Variants in TIPRL observed in about 807,000 individuals in gnomAD.
TIPRL encodes TIP41-like protein.
TIPRL carries 10 observed loss-of-function variants against 32.3 expected under a neutral mutation model. The ratio of observed to expected loss-of-function variants is 0.31; its 90% CI spans 0.19 to 0.52. The LOEUF is 0.52. Ranked by LOEUF, TIPRL falls within the 20% of genes least tolerant of loss-of-function variation. TIPRL has a pLI of 0.96. For missense variants in TIPRL, 250 were observed against 328.1 expected, an observed-to-expected ratio of 0.76 and a Z score of 1.84; for synonymous variants, 100 against 114.0, an observed-to-expected ratio of 0.88 and a Z score of 0.78.
intron 3 of TIPRL, among the ~76,000 whole-genome samples, chr1:168,185,917 A>T (rs1416480181): frequency 3.3e-5 from 5 of 150,612 alleles, no homozygotes; most frequent in Non-Finnish European, 5.9e-5. Flanking sequence ...TCTACTAAAA[A>T]TACAAAATTT....
intron 4 of TIPRL, among the ~76,000 whole-genome samples, chr1:168,194,885 A>G (rs1700135866): frequency 6.6e-6 from 1 of 152,218 alleles, no homozygotes; most frequent in Non-Finnish European, 1.5e-5. Context: ...GCCTACAGTC[A>G]AGTGGAAACA....
At chr1:168,192,322 C>G in intron 4 of TIPRL, 1 of 1,012,144 alleles carries the variant, frequency 9.9e-7, no homozygotes, top group Non-Finnish European at 1.2e-6. Flanking sequence ...CTCCAGCCCT[C>G]CAGCCTGGGC....
intron 1 of TIPRL, among the ~76,000 whole-genome samples, chr1:168,183,226 T>C (rs897784408): frequency 9.9e-5 from 15 of 152,172 alleles, no homozygotes; most frequent in African/African-American, 3.6e-4. Context: ...AATGAAACAT[T>C]CAGAGTATTT....
At position 168,183,856 on chromosome 1, in the gene TIPRL, C is replaced by G. The variant is rs752343002; in HGVS notation, c.105-46C>G. 1.9e-6 allele frequency: 3 copies of G among 1,575,734 alleles called. No homozygotes were observed. In the Admixed American group the frequency reaches 5.1e-5, roughly 27 times the overall value. On this transcript the variant is annotated intron_variant, in intron 1 of 6. Coordinates refer to ENST00000367833, the MANE Select transcript of TIPRL (RefSeq NM_152902.5). ...TGGGATGGAAAAGAAACAAAAATGCCAACAGCGATATAAAATTATCTCACC... is the reference window on the plus strand; with the variant it reads ...TGGGATGGAAAAGAAACAAAAATGCGAACAGCGATATAAAATTATCTCACC...
chr1:168,199,681 G>A (rs1380667182), intron 6 of TIPRL, among the ~76,000 whole-genome samples: 2 of 152,074 alleles, frequency 1.3e-5, no homozygotes, highest in African/African-American at 2.4e-5. Flanking sequence ...ACATTTGTGG[G>A]AACATTATAG....
Position 168,179,192 on chromosome 1 carries a change from G to A in TIPRL, c.104+11G>A. 6.2e-7 allele frequency: 1 copy of A among 1,613,208 alleles called. No individual in the cohort carries two copies. Among genetic ancestry groups the A allele is most frequent in the East Asian group, 2.2e-5 (1 of 44,852 alleles). On this transcript the variant is annotated intron_variant, in intron 1 of 6. Transcript: ENST00000367833. ...GGCGGATGTGGAGAAGTGAGGCTTC[G>A]GGGCACGGGGTCTGGGCGCTGGCCG...
chr1:168,197,671 C>G (rs1404937001), intron 5 of TIPRL, among the ~76,000 whole-genome samples: 1 of 151,938 alleles, frequency 6.6e-6, no homozygotes, highest in Non-Finnish European at 1.5e-5. Context: ...AGGCGCCCAC[C>G]ACCACACCTG....
chr1:168,191,341 T>C, intron 3 of TIPRL, 28 bp from the exon 4 acceptor site: 1 of 1,511,478 alleles, frequency 6.6e-7, no homozygotes, highest in Non-Finnish European at 8.8e-7. Context: ...TTTTTTAATG[T>C]GCTCCTCTTT....
At chr1:168,179,460 C>T (rs1699934842) in intron 1 of TIPRL, among the ~76,000 whole-genome samples, 1 of 152,074 alleles carries the variant, frequency 6.6e-6, no homozygotes, top group Non-Finnish European at 1.5e-5. Context: ...ACGTCTCCTC[C>T]TGCCTCAGCC....
At chr1:168,197,736 A>G (rs191458683) in intron 5 of TIPRL, among the ~76,000 whole-genome samples, 2 of 152,216 alleles carry the variant, frequency 1.3e-5, no homozygotes, top group African/African-American at 4.8e-5. Flanking sequence ...CATGTTGGCC[A>G]GGCCGGTCTT....
chr1:168,192,105 T>TGATGTTGA (rs1287035725), intron 4 of TIPRL: 1 of 1,238,604 alleles, frequency 8.1e-7, no homozygotes, highest in African/African-American at 1.6e-5. Flanking sequence ...GGATTAAAAA[T>TGATGTTGA]GATGTTGATA....
intron 4 of TIPRL, 64 bp downstream of exon 4, chr1:168,191,564 G>T: frequency 2.3e-6 from 3 of 1,320,514 alleles, no homozygotes; most frequent in South Asian, 2.0e-5. Flanking sequence ...ACAAAAATAT[G>T]ACTCACTTTG....
chr1:168,181,927 G>A (rs1699971676), intron 1 of TIPRL, among the ~76,000 whole-genome samples: 1 of 151,774 alleles, frequency 6.6e-6, no homozygotes, highest in Admixed American at 6.6e-5. Flanking sequence ...ATCTGGGGGT[G>A]GTGGTGCAGG....
intron 1 of TIPRL, among the ~76,000 whole-genome samples, chr1:168,179,758 G>T (rs1050996548): frequency 2.3e-4 from 35 of 152,232 alleles, no homozygotes; most frequent in African/African-American, 8.2e-4. Context: ...TTATAAAACC[G>T]TTGCGGGGGG....
Position 168,191,501 on chromosome 1 carries a change from G to T in TIPRL, c.516+1G>T. ...AGTTTCAAGCCTGAGTGTGAAGATT[G>T]TGAGTATTATTTTTATTTAAAATTA... On this transcript the variant is annotated splice_donor_variant, in intron 4 of 6. Coordinates refer to ENST00000367833, the MANE Select transcript of TIPRL (RefSeq NM_152902.5). LOFTEE classifies it high-confidence loss of function. 1 of 1,487,310 alleles carries T rather than the reference G, an allele frequency of 6.7e-7. No homozygotes were observed. Among genetic ancestry groups the T allele is most frequent in the Non-Finnish European group, 8.9e-7 (1 of 1,125,882 alleles). The allele number at this position is 1,487,310 out of a possible 1,614,324, so 92.1% of individuals were successfully genotyped here. A position where few individuals can be genotyped will look rare whatever the true frequency, so the allele number is the denominator to read the frequency against.
chr1:168,188,666 G>A (rs912085206), intron 3 of TIPRL, among the ~76,000 whole-genome samples: 1 of 152,082 alleles, frequency 6.6e-6, no homozygotes, highest in Non-Finnish European at 1.5e-5. Flanking sequence ...CAGAGTTTGA[G>A]GTGTACTGGG....
rs2102315700 is a variant in TIPRL, at chr1:168,201,629, C to T, written c.*1583C>T. ...ACAGAAAAGTAGACACACACACACACACACACACACATGTTGTGTTCAGCT... is the reference window on the plus strand; with the variant it reads ...ACAGAAAAGTAGACACACACACACATACACACACACATGTTGTGTTCAGCT... On this transcript the variant is annotated 3_prime_UTR_variant, in exon 7 of 7. Coordinates refer to ENST00000367833, the MANE Select transcript of TIPRL (RefSeq NM_152902.5). 6.6e-6 allele frequency: 1 copy of T among 151,994 alleles called. No homozygotes were observed. Among genetic ancestry groups the T allele is most frequent in the East Asian group, 1.9e-4 (1 of 5,166 alleles). The allele number at this position is 151,994 out of a possible 1,614,324, so 9.4% of individuals were successfully genotyped here. A position where few individuals can be genotyped will look rare whatever the true frequency, so the allele number is the denominator to read the frequency against.
rs746302570 is a variant in TIPRL at position 168,199,997 on chromosome 1, G to C, written c.770G>C (p.Arg257Thr). Residue 257 changes from arginine (R) to threonine (T), a missense_variant, in exon 7 of 7, where the codon AGA (arginine) becomes ACA (threonine). Transcript: ENST00000367833. The stretch of plus-strand genomic sequence containing the variant: ...TGTGAGAAGCTAATATTTCCAGAAA[G>C]AATTGATCCTAACCCAGCAGACTCA... ...AVCEKLIFPE[R>T]IDPNPADSQK... is the part of the protein sequence containing the mutation. The C allele has an allele frequency of 3.1e-6, 5 of 1,613,552 alleles. No homozygotes were observed. The highest frequency in any genetic ancestry group is 4.2e-6 in the Non-Finnish European group (5 of 1,179,722).
chr1:168,189,948 A>G (rs1700071353), intron 3 of TIPRL, among the ~76,000 whole-genome samples: 3 of 152,234 alleles, frequency 2.0e-5, no homozygotes, highest in African/African-American at 7.2e-5. Flanking sequence ...CAATTTACTA[A>G]TGAGAAAATT....
Sources: gnomAD v4.1 joint callset for allele counts (sites outside exome capture counted in the v4.1 genomes callset) on GRCh38, gnomAD v4.1.1 for gene constraint, MANE v1.5 for transcripts, NCBI Gene and HGNC (gene_info 2026-07-23, HGNC 2026-07-21) for gene names.